Variants in PITPNC1 observed in about 807,000 individuals in gnomAD.
PITPNC1 encodes the protein cytoplasmic phosphatidylinositol transfer protein 1.
Under a neutral mutation model 44.7 loss-of-function variants are expected in PITPNC1, and 18 were observed. That is an observed-to-expected ratio of 0.40 (90% CI 0.28 to 0.60). The LOEUF is 0.60. Among genes scored for constraint, PITPNC1 ranks in the 20% least tolerant of loss-of-function variants. The pLI is 0.39. For missense variants in PITPNC1, 290 were observed against 418.4 expected (o/e 0.69, Z 2.68); for synonymous variants, 141 against 149.6 (o/e 0.94, Z 0.42).
intron 1 of PITPNC1, among the ~76,000 whole-genome samples, chr17:67,467,653 T>C (rs936550826): frequency 6.6e-6 from 1 of 152,072 alleles, no homozygotes; most frequent in Non-Finnish European, 1.5e-5. Context: ...GCTTTACAAG[T>C]TACTGTCACT....
At chr17:67,448,088 G>GACT (rs2039125527) in intron 1 of PITPNC1, among the ~76,000 whole-genome samples, 1 of 152,082 alleles carries the variant, frequency 6.6e-6, no homozygotes, top group African/African-American at 2.4e-5. Flanking sequence ...TGGGATTAAA[G>GACT]GCGCACACCA....
intron 5 of PITPNC1, among the ~76,000 whole-genome samples, chr17:67,586,264 T>A (rs554162023): frequency 6.6e-5 from 10 of 152,228 alleles, no homozygotes; most frequent in African/African-American, 2.2e-4. Context: ...TGGAGTTTTT[T>A]AAAATTTTTT....
chr17:67,599,017 TA>T (rs1568059274), intron 5 of PITPNC1, among the ~76,000 whole-genome samples: 11 of 35,930 alleles, frequency 3.1e-4, no homozygotes, highest in African/African-American at 1.4e-3. Flanking sequence ...TATATATATA[TA>T]TATATATATA....
chr17:67,649,766 G>A (rs541141852), intron 6 of PITPNC1, among the ~76,000 whole-genome samples: 1 of 152,012 alleles, frequency 6.6e-6, no homozygotes, highest in Admixed American at 6.5e-5. Flanking sequence ...GGGTCTCCAC[G>A]ACTCCTTCCT....
chr17:67,443,879 C>T (rs1347268216), intron 1 of PITPNC1, among the ~76,000 whole-genome samples: 1 of 152,030 alleles, frequency 6.6e-6, no homozygotes, highest in East Asian at 1.9e-4. Context: ...AGGTGATCTG[C>T]CTGCCTCAGC....
chr17:67,575,453 C>G (rs1259503985), intron 4 of PITPNC1, among the ~76,000 whole-genome samples: 2 of 152,180 alleles, frequency 1.3e-5, no homozygotes, highest in South Asian at 2.1e-4. Context: ...TCCGTGTTTC[C>G]TTAGTCACGG....
intron 1 of PITPNC1, among the ~76,000 whole-genome samples, chr17:67,395,394 C>T (rs1221473102): frequency 6.6e-6 from 1 of 152,124 alleles, no homozygotes; most frequent in African/African-American, 2.4e-5. Context: ...AGCAATCCTC[C>T]TGTCTTGGCC....
chr17:67,581,669 C>T (rs2041235385), intron 5 of PITPNC1, among the ~76,000 whole-genome samples: 1 of 152,214 alleles, frequency 6.6e-6, no homozygotes, highest in South Asian at 2.1e-4. Context: ...CCAATTTGCC[C>T]TCCTCTGTTT....
intron 1 of PITPNC1, among the ~76,000 whole-genome samples, chr17:67,399,980 G>T (rs1411287580): frequency 2.0e-5 from 3 of 152,128 alleles, no homozygotes; most frequent in African/African-American, 4.8e-5. Flanking sequence ...CCCTCTTTTG[G>T]CCTGTATTAG....
chr17:67,536,248 AT>A (rs925102207), intron 2 of PITPNC1, among the ~76,000 whole-genome samples: 1 of 152,210 alleles, frequency 6.6e-6, no homozygotes, highest in African/African-American at 2.4e-5. Flanking sequence ...TTAGAAAAAA[AT>A]ATTGATTAAT....
intron 4 of PITPNC1, among the ~76,000 whole-genome samples, chr17:67,572,839 A>G (rs1057358630): frequency 2.0e-5 from 3 of 151,768 alleles, no homozygotes; most frequent in Non-Finnish European, 2.9e-5. Context: ...TCCAAATCCA[A>G]TGACTTTTGT....
intron 4 of PITPNC1, among the ~76,000 whole-genome samples, chr17:67,569,914 G>T (rs2041029070): frequency 6.6e-6 from 1 of 152,166 alleles, no homozygotes. Context: ...AAAAAGAAAA[G>T]ATTTTTCATG....
chr17:67,396,424 T>C (rs1171382452), intron 1 of PITPNC1, among the ~76,000 whole-genome samples: 1 of 152,160 alleles, frequency 6.6e-6, no homozygotes, highest in Non-Finnish European at 1.5e-5. Context: ...CAGGCTGGAG[T>C]GCAGTGGCGT....
chr17:67,486,306 A>G (rs1234677050), intron 1 of PITPNC1, among the ~76,000 whole-genome samples: 1 of 152,158 alleles, frequency 6.6e-6, no homozygotes, highest in Non-Finnish European at 1.5e-5. Flanking sequence ...TGGTGTTTTC[A>G]TGAGTTGAAG....
chr17:67,561,835 A>G (rs905323612), intron 4 of PITPNC1, among the ~76,000 whole-genome samples: 1 of 152,192 alleles, frequency 6.6e-6, no homozygotes, highest in East Asian at 1.9e-4. Flanking sequence ...GGCTCAAGCA[A>G]TCCTCCTGCC....
Position 67,695,819 on chromosome 17 carries a change from G to A in PITPNC1, c.*2931G>A, listed in dbSNP as rs2043001855. On this transcript the variant is annotated 3_prime_UTR_variant, in exon 9 of 9. Coordinates refer to ENST00000581322, the MANE Select transcript of PITPNC1 (RefSeq NM_012417.4). ...GATTTCAAATGTGAAGTGCCCCTGT[G>A]CATTTTCTTGGCCATAGCACGGCAT... The A allele has an allele frequency of 6.6e-6, 1 of 152,036 alleles. No homozygotes were observed. 9.4% of individuals were successfully genotyped at this position (152,036 alleles called of 1,614,324 possible). A position where few individuals can be genotyped will look rare whatever the true frequency, so the allele number is the denominator to read the frequency against.
intron 1 of PITPNC1, among the ~76,000 whole-genome samples, chr17:67,418,191 T>G (rs973525772): frequency 6.6e-6 from 1 of 152,210 alleles, no homozygotes; most frequent in African/African-American, 2.4e-5. Context: ...GGCAGTAGAT[T>G]AAGATCTGCT....
intron 1 of PITPNC1, among the ~76,000 whole-genome samples, chr17:67,516,142 G>A (rs2040255499): frequency 6.6e-6 from 1 of 152,026 alleles, no homozygotes; most frequent in East Asian, 1.9e-4. Flanking sequence ...CATCTCTTTG[G>A]TAAAAAAGAA....
chr17:67,668,251 TG>T (rs1213795809), intron 6 of PITPNC1, among the ~76,000 whole-genome samples: 1 of 152,262 alleles, frequency 6.6e-6, no homozygotes, highest in Non-Finnish European at 1.5e-5. Context: ...CTATTGCATT[TG>T]GCTACTTTTG....
Sources: gnomAD v4.1 joint callset for allele counts (sites outside exome capture counted in the v4.1 genomes callset) on GRCh38, gnomAD v4.1.1 for gene constraint, MANE v1.5 for transcripts, NCBI Gene and HGNC (gene_info 2026-07-23, HGNC 2026-07-21) for gene names.